Variants in NBEA observed in about 807,000 individuals in gnomAD.
The protein encoded by NBEA is neurobeachin, also known as lysosomal-trafficking regulator 2.
A neutral mutation model predicts 343.4 loss-of-function variants in NBEA; 44 were observed. The observed-to-expected ratio is 0.13, with a 90% CI of 0.10 to 0.16. The LOEUF (loss-of-function observed/expected upper bound fraction) is 0.16, where lower values mean the gene tolerates loss of function less well. NBEA is among the 10% of genes least tolerant of loss of function. The pLI is 1.00. For missense variants in NBEA, 2,555 were observed against 3,631.3 expected (o/e 0.70, Z 7.62); for synonymous variants, 1,175 against 1,238.7 (o/e 0.95, Z 1.08).
At chr13:35,401,174 A>C (rs7326557) in intron 38 of NBEA, among the ~76,000 whole-genome samples, 1 of 151,946 alleles carries the variant, frequency 6.6e-6, no homozygotes, top group Non-Finnish European at 1.5e-5. Flanking sequence ...TAGCACAGTT[A>C]CTAGAGCATG....
chr13:35,570,160 A>T lies in NBEA; in HGVS notation c.7035+3143A>T, dbSNP rs370946885. Among the ~76,000 whole-genome samples, 603 of 152,188 alleles carry T rather than the reference A, an allele frequency of 4.0e-3. 1 individual carries two copies. Among genetic ancestry groups the T allele is most frequent in the African/African-American group, 0.014 (578 of 41,522 alleles). On this transcript the variant is annotated intron_variant, in intron 45 of 58. Transcript: ENST00000379939. ...GCGATTCTCCTGCCTCAGCCTCCCA[A>T]GTAGCTGGGATTACAAGCTCCCACC...
chr13:35,412,012 A>G (rs2043617430), intron 38 of NBEA, among the ~76,000 whole-genome samples: 1 of 152,104 alleles, frequency 6.6e-6, no homozygotes, highest in African/African-American at 2.4e-5. Flanking sequence ...GGTTTTGTTC[A>G]AACTGATGTC....
chr13:35,266,278 A>T (rs1384890244), intron 34 of NBEA, among the ~76,000 whole-genome samples: 1 of 151,860 alleles, frequency 6.6e-6, no homozygotes. Flanking sequence ...AACAGAATGG[A>T]GGTTCTTCAA....
chr13:35,526,873 T>C (rs993818807), intron 41 of NBEA, among the ~76,000 whole-genome samples: 1 of 152,118 alleles, frequency 6.6e-6, no homozygotes, highest in African/African-American at 2.4e-5. Context: ...ACAGGCATAC[T>C]GCAAGTGGCT....
intron 31 of NBEA, among the ~76,000 whole-genome samples, chr13:35,204,235 A>G (rs1161582775): frequency 6.6e-6 from 1 of 152,150 alleles, no homozygotes; most frequent in Non-Finnish European, 1.5e-5. Context: ...ACTCCTTATG[A>G]TAATCTAATG....
In NBEA at chr13:35,171,459, C is replaced by G; in HGVS notation, c.4423+7C>G. On this transcript the variant is annotated splice_region_variant and intron_variant, in intron 26 of 58. Coordinates refer to ENST00000379939, the MANE Select transcript of NBEA (RefSeq NM_001385012.1). The stretch of plus-strand genomic sequence containing the variant: ...CGACAGTGCCTAAGATTAGGTAAGT[C>G]TGTTAAAACAATAGTGCATGTCAAA... 1.2e-6 allele frequency: 2 copies of G among 1,603,082 alleles called. No homozygotes were observed. The highest frequency in any genetic ancestry group is 1.3e-5 in the African/African-American group (1 of 74,710).
intron 31 of NBEA, among the ~76,000 whole-genome samples, chr13:35,207,266 A>G (rs896540275): frequency 6.6e-6 from 1 of 152,086 alleles, no homozygotes; most frequent in Non-Finnish European, 1.5e-5. Context: ...TTTAAGCAAC[A>G]AACTTATTTG....
chr13:35,309,806 C>T (rs1338106066), intron 36 of NBEA, among the ~76,000 whole-genome samples: 1 of 152,008 alleles, frequency 6.6e-6, no homozygotes, highest in East Asian at 1.9e-4. Context: ...AGGGACAAAC[C>T]TTATAAGGTT....
At chr13:35,162,755 G>T (rs866333106) in intron 23 of NBEA, among the ~76,000 whole-genome samples, 1 of 151,800 alleles carries the variant, frequency 6.6e-6, no homozygotes, top group African/African-American at 2.4e-5. Flanking sequence ...ACTAATACTG[G>T]TTAATTAACT....
chr13:34,950,410 A>G (rs1038828924), intron 1 of NBEA, among the ~76,000 whole-genome samples: 4 of 152,098 alleles, frequency 2.6e-5, no homozygotes, highest in African/African-American at 9.7e-5. Context: ...TTTTATCTCC[A>G]GATGTTTCAG....
chr13:35,440,330 G>A (rs1440379092), intron 39 of NBEA, among the ~76,000 whole-genome samples: 1 of 152,164 alleles, frequency 6.6e-6, no homozygotes, highest in Non-Finnish European at 1.5e-5. Flanking sequence ...AACTAATTTA[G>A]ATCATTGTTC....
chr13:35,573,212 A>G (rs549010729), intron 45 of NBEA, among the ~76,000 whole-genome samples: 2 of 152,340 alleles, frequency 1.3e-5, no homozygotes, highest in South Asian at 2.1e-4. Flanking sequence ...TTTTAAACTC[A>G]TGAGATATTC....
chr13:34,984,269 AAATAGG>A (rs2060467716), intron 1 of NBEA, among the ~76,000 whole-genome samples: 1 of 150,824 alleles, frequency 6.6e-6, no homozygotes, highest in Non-Finnish European at 1.5e-5. Flanking sequence ...GCCAGTTATT[AAATAGG>A]GAATCCTTTT....
At chr13:35,040,532 TAAGAC>T (rs2062611163) in intron 1 of NBEA, among the ~76,000 whole-genome samples, 1 of 152,128 alleles carries the variant, frequency 6.6e-6, no homozygotes, top group South Asian at 2.1e-4. Flanking sequence ...TCTTTGTCTG[TAAGAC>T]TAGTAATGTC....
At chr13:35,544,842 T>A (rs2153008265) in intron 41 of NBEA, among the ~76,000 whole-genome samples, 1 of 152,318 alleles carries the variant, frequency 6.6e-6, no homozygotes, top group Non-Finnish European at 1.5e-5. Context: ...ATCTGTATGA[T>A]GTATCAAAAA....
chr13:35,601,045 C>T (rs1271052994), intron 47 of NBEA, among the ~76,000 whole-genome samples: 3 of 152,036 alleles, frequency 2.0e-5, no homozygotes, highest in African/African-American at 7.2e-5. Context: ...GCCATCATGG[C>T]GCACACCTGT....
At chr13:35,465,556 G>A (rs1354506398) in intron 40 of NBEA, among the ~76,000 whole-genome samples, 3 of 152,214 alleles carry the variant, frequency 2.0e-5, no homozygotes, top group Non-Finnish European at 4.4e-5. Flanking sequence ...TCCCAGTGCC[G>A]TAAAAGAGTC....
intron 38 of NBEA, among the ~76,000 whole-genome samples, chr13:35,410,435 T>G (rs190219080): frequency 6.6e-6 from 1 of 152,082 alleles, no homozygotes; most frequent in Non-Finnish European, 1.5e-5. Context: ...TAAGGGGGAA[T>G]GGAAGAGTGT....
At chr13:35,210,319 G>C (rs934132008) in intron 32 of NBEA, among the ~76,000 whole-genome samples, 8 of 151,712 alleles carry the variant, frequency 5.3e-5, no homozygotes, top group Non-Finnish European at 7.4e-5. Context: ...TAAATTGTGA[G>C]CCAACAGCTA....
Sources: allele counts gnomAD v4.1 joint callset (sites outside exome capture counted in the v4.1 genomes callset), GRCh38; gene constraint gnomAD v4.1.1; transcripts MANE v1.5; gene names NCBI Gene and HGNC (gene_info 2026-07-23, HGNC 2026-07-21).